LPAR1: variants seen among roughly 807,000 people sequenced by gnomAD.
LPAR1 encodes lysophosphatidic acid receptor 1.
A neutral mutation model predicts 23.8 loss-of-function variants in LPAR1; 5 were observed. The observed-to-expected ratio is 0.21, with a 90% CI of 0.11 to 0.44. LPAR1 has a LOEUF of 0.44. Among genes scored for constraint, LPAR1 ranks in the 20% least tolerant of loss-of-function variants. The pLI is 0.99. For synonymous variants in LPAR1, 160 were observed against 164.7 expected, an observed-to-expected ratio of 0.97 and a Z score of 0.22; for missense variants, 311 against 482.8, an observed-to-expected ratio of 0.64 and a Z score of 3.33.
intron 4 of LPAR1, among the ~76,000 whole-genome samples, chr9:110,943,229 C>CT (rs1430482841): frequency 1.3e-5 from 2 of 150,604 alleles, no homozygotes; most frequent in Non-Finnish European, 1.5e-5. Flanking sequence ...TCTTGAAGCT[C>CT]TAAGTTTACC....
intron 5 of LPAR1, among the ~76,000 whole-genome samples, chr9:110,879,733 A>G (rs1028708910): frequency 6.6e-6 from 1 of 152,240 alleles, no homozygotes; most frequent in African/African-American, 2.4e-5. Context: ...AAGTAAAGGC[A>G]AAACTATTTC....
chr9:110,956,130 C>T lies in LPAR1; in HGVS notation c.46-13962G>A, dbSNP rs541824611. 1.9e-4 allele frequency among the ~76,000 whole-genome samples: 29 copies of T among 151,176 alleles called. No individual in the cohort carries two copies. In the East Asian group the frequency reaches 5.1e-3, roughly 26 times the overall value. ...GAAACCATCATTATCAGCAAACTATCACAAGAACAGAAAACGAAACACTGC... is the reference window on the plus strand; with the variant it reads ...GAAACCATCATTATCAGCAAACTATTACAAGAACAGAAAACGAAACACTGC... On this transcript the variant is annotated intron_variant, in intron 4 of 5. Transcript: ENST00000683809.
At chr9:110,961,318 T>C (rs1479457684) in intron 4 of LPAR1, among the ~76,000 whole-genome samples, 1 of 151,060 alleles carries the variant, frequency 6.6e-6, no homozygotes, top group Non-Finnish European at 1.5e-5. Context: ...GGGTAACTTA[T>C]TAAAAAAAAA....
intron 4 of LPAR1, among the ~76,000 whole-genome samples, chr9:110,945,710 T>C (rs573949807): frequency 3.9e-5 from 6 of 152,324 alleles, no homozygotes; most frequent in Non-Finnish European, 8.8e-5. Context: ...AAAGCTCTGT[T>C]TCTTTCCAGG....
rs1168559654 is a variant in LPAR1, at chr9:111,038,358, G to C, written c.-453C>G. ...GGTCCCGTGCTCGGCCGGGCGGCGG[G>C]GAGGGCTCCGCGGCTCCGGGCCCTG... On this transcript the variant is annotated 5_prime_UTR_variant, in exon 1 of 6. Transcript: ENST00000683809. The surrounding 1 kb of genome is among the most constrained non-coding windows in gnomAD (Gnocchi z 4.4). The C allele has an allele frequency of 3.2e-5, 5 of 155,640 alleles. No individual in the cohort carries two copies. Among genetic ancestry groups the C allele is most frequent in the African/African-American group, 1.2e-4 (5 of 41,248 alleles). The allele number at this position is 155,640 out of a possible 1,614,324, so 9.6% of individuals were successfully genotyped here.
intron 2 of LPAR1, among the ~76,000 whole-genome samples, chr9:111,026,569 T>C (rs945351094): frequency 2.0e-5 from 3 of 152,206 alleles, no homozygotes; most frequent in African/African-American, 7.2e-5. Context: ...CTATGTCGAA[T>C]AGGAGTGGTG....
intron 4 of LPAR1, among the ~76,000 whole-genome samples, chr9:110,950,893 A>T (rs977554095): frequency 1.3e-5 from 2 of 152,240 alleles, no homozygotes; most frequent in East Asian, 3.8e-4. Context: ...CTGAACATTG[A>T]TATGAAAGCA....
chr9:110,939,583 T>G (rs1414856180), intron 5 of LPAR1, among the ~76,000 whole-genome samples: 3 of 152,162 alleles, frequency 2.0e-5, no homozygotes, highest in Non-Finnish European at 2.9e-5. Flanking sequence ...AAAGTGGCAT[T>G]TAGGGCAAAT....
chr9:110,897,246 C>T (rs569491906), intron 5 of LPAR1, among the ~76,000 whole-genome samples: 3 of 152,210 alleles, frequency 2.0e-5, no homozygotes, highest in Non-Finnish European at 2.9e-5. Context: ...GGGTCTTGCC[C>T]GTGCTGTTCT....
intron 4 of LPAR1, among the ~76,000 whole-genome samples, chr9:110,969,362 C>T (rs2096333502): frequency 6.6e-6 from 1 of 151,932 alleles, no homozygotes; most frequent in Non-Finnish European, 1.5e-5. Context: ...CTTTCTTTTT[C>T]CTCCATACGA....
intron 5 of LPAR1, among the ~76,000 whole-genome samples, chr9:110,881,718 A>G (rs527638507): frequency 3.3e-5 from 5 of 152,304 alleles, no homozygotes; most frequent in African/African-American, 1.2e-4. Context: ...TTATCTGCCA[A>G]TTGCAACAGG....
At chr9:110,945,385 G>C (rs1272280865) in intron 4 of LPAR1, 1 of 152,028 alleles carries the variant, frequency 6.6e-6, no homozygotes, top group Non-Finnish European at 1.5e-5. Flanking sequence ...TCTCGCCAAA[G>C]AAGAAATCAC....
In LPAR1 at chr9:110,941,616, G is replaced by T. The variant is rs772690641; in HGVS notation, c.598C>A (p.Pro200Thr). ...ACTAAGTAAGAGTCACTGTAGAGGGGTGCCATGTTGGAACAATTTTCAATA... is the reference window on the plus strand; with the variant it reads ...ACTAAGTAAGAGTCACTGTAGAGGGTTGCCATGTTGGAACAATTTTCAATA... ...CDIENCSNMAPLYSDSYLVFW... is the reference protein window; with the variant it reads ...CDIENCSNMATLYSDSYLVFW... The change falls in exon 5 of 6, where the codon CCC becomes ACC. Residue 200 changes from proline (P) to threonine (T), a missense_variant. Coordinates refer to ENST00000683809, the MANE Select transcript of LPAR1 (RefSeq NM_001351411.2). The surrounding 1 kb of genome is among the most constrained non-coding windows in gnomAD (Gnocchi z 6.1). 1 of 1,614,118 alleles carries T rather than the reference G, an allele frequency of 6.2e-7. No homozygotes were observed. The highest frequency in any genetic ancestry group is 8.5e-7 in the Non-Finnish European group (1 of 1,179,974).
intron 4 of LPAR1, among the ~76,000 whole-genome samples, chr9:110,953,706 A>G (rs2095645168): frequency 6.6e-6 from 1 of 152,022 alleles, no homozygotes; most frequent in South Asian, 2.1e-4. Flanking sequence ...ATGCATTTAC[A>G]GCCAAAGAAA....
At chr9:110,926,255 C>T (rs780597077) in intron 5 of LPAR1, among the ~76,000 whole-genome samples, 1 of 152,186 alleles carries the variant, frequency 6.6e-6, no homozygotes, top group Non-Finnish European at 1.5e-5. Flanking sequence ...ACATGTGAGT[C>T]CGACTCCCAA....
At chr9:110,907,733 A>G (rs571427766) in intron 5 of LPAR1, among the ~76,000 whole-genome samples, 1 of 152,310 alleles carries the variant, frequency 6.6e-6, no homozygotes, top group South Asian at 2.1e-4. Flanking sequence ...ATCATATGTT[A>G]TCTTTATAGA....
chr9:110,934,293 C>T (rs2094559355), intron 5 of LPAR1: 1 of 152,244 alleles, frequency 6.6e-6, no homozygotes, highest in African/African-American at 2.4e-5. Context: ...CATGGCTCTC[C>T]CACAGGAAAG....
chr9:110,929,995 G>A (rs1180807006), intron 5 of LPAR1, among the ~76,000 whole-genome samples: 1 of 152,078 alleles, frequency 6.6e-6, no homozygotes, highest in Non-Finnish European at 1.5e-5. Context: ...TGAAACAGCT[G>A]CCTGTGAATT....
intron 5 of LPAR1, among the ~76,000 whole-genome samples, chr9:110,911,540 T>TA (rs1481390054): frequency 2.0e-5 from 3 of 151,344 alleles, no homozygotes; most frequent in South Asian, 2.1e-4. Flanking sequence ...AGATCCTATC[T>TA]AAAAAAATAG....
Sources: gnomAD v4.1 joint callset for allele counts (sites outside exome capture counted in the v4.1 genomes callset) on GRCh38, gnomAD v4.1.1 for gene constraint, Gnocchi (gnomAD v3.1) non-coding constraint, MANE v1.5 for transcripts, NCBI Gene and HGNC (gene_info 2026-07-23, HGNC 2026-07-21) for gene names.